The following SLC22A3 variants were observed in gnomAD, a reference collection of about 807,000 sequenced individuals.
SLC22A3 encodes the protein EMT organic cation transporter 3.
A neutral mutation model predicts 59.1 loss-of-function variants in SLC22A3; 51 were observed. The ratio of observed to expected loss-of-function variants is 0.86; its 90% CI spans 0.69 to 1.09. The LOEUF (loss-of-function observed/expected upper bound fraction) is 1.09, where lower values mean the gene tolerates loss of function less well. SLC22A3 is among the 50% of genes least tolerant of loss of function. The probability of loss-of-function intolerance (pLI) is 0.00; values close to 1 mark genes in which losing one functional copy is unlikely to be tolerated. For missense variants in SLC22A3, 711 were observed against 726.3 expected, an observed-to-expected ratio of 0.98 and a Z score of 0.24; for synonymous variants, 325 against 292.0, an observed-to-expected ratio of 1.11 and a Z score of -1.15.
At chr6:160,450,959 TA>T (rs1788937213) in intron 10 of SLC22A3, 36 bp from the exon 11 acceptor site, 1 of 1,553,224 alleles carries the variant, frequency 6.4e-7, no homozygotes, top group Non-Finnish European at 8.8e-7. Context: ...ACTAGTTACA[TA>T]ATCTTTCCTA....
chr6:160,389,241 AT>A (rs1052033535), intron 1 of SLC22A3, among the ~76,000 whole-genome samples: 1 of 152,056 alleles, frequency 6.6e-6, no homozygotes, highest in Non-Finnish European at 1.5e-5. Flanking sequence ...ATCATGAGCC[AT>A]TTTTTTGTCT....
chr6:160,407,445 G>A (rs1288165412), intron 3 of SLC22A3, among the ~76,000 whole-genome samples: 1 of 152,106 alleles, frequency 6.6e-6, no homozygotes, highest in Non-Finnish European at 1.5e-5. Flanking sequence ...CTACTTTTAT[G>A]TACTTCTACA....
chr6:160,360,026 A>G (rs1041080104), intron 1 of SLC22A3, among the ~76,000 whole-genome samples: 3 of 152,246 alleles, frequency 2.0e-5, no homozygotes, highest in African/African-American at 2.4e-5. Context: ...TTATAATCAT[A>G]GTATTCTTTT....
intron 1 of SLC22A3, among the ~76,000 whole-genome samples, chr6:160,355,257 G>A (rs756362727): frequency 9.9e-5 from 15 of 152,192 alleles, no homozygotes; most frequent in Non-Finnish European, 1.9e-4. Context: ...TGACAAAATG[G>A]TATGGAGGCT....
chr6:160,348,972 C>G, intron 1 of SLC22A3, 124 bp downstream of exon 1: 2 of 1,518,382 alleles, frequency 1.3e-6, no homozygotes, highest in South Asian at 1.2e-5. Context: ...CGGTCGGCTA[C>G]CTCTGGGGAC....
intron 1 of SLC22A3, among the ~76,000 whole-genome samples, chr6:160,391,028 T>C (rs1786234686): frequency 6.6e-6 from 1 of 152,204 alleles, no homozygotes; most frequent in Non-Finnish European, 1.5e-5. Flanking sequence ...TTTTCTGGTA[T>C]GTGGCTGTGT....
At chr6:160,387,729 G>T (rs1786079444) in intron 1 of SLC22A3, among the ~76,000 whole-genome samples, 1 of 152,074 alleles carries the variant, frequency 6.6e-6, no homozygotes, top group East Asian at 1.9e-4. Context: ...CAGAAATGCT[G>T]TCAGTATTTT....
At chr6:160,389,906 G>A (rs1045017805) in intron 1 of SLC22A3, among the ~76,000 whole-genome samples, 2 of 152,216 alleles carry the variant, frequency 1.3e-5, no homozygotes, top group African/African-American at 4.8e-5. Flanking sequence ...TCTGTATAGT[G>A]AAGTCTAACG....
Position 160,437,006 on chromosome 6 carries a change from C to A in SLC22A3, c.1083C>A (p.Ser361Arg), listed in dbSNP as rs373788380. 6.2e-7 allele frequency: 1 copy of A among 1,614,096 alleles called. No individual in the cohort carries two copies. Among genetic ancestry groups the A allele is most frequent in the Non-Finnish European group, 8.5e-7 (1 of 1,179,994 alleles). ...TTCAATGTTGCTACAGGTTCACAAGCGCAGTGGTGTATCAAGGACTTGTCA... is the reference window on the plus strand; with the variant it reads ...TTCAATGTTGCTACAGGTTCACAAGAGCAGTGGTGTATCAAGGACTTGTCA... ...TLILMFAWFT[S>R]AVVYQGLVMR... Residue 361 changes from serine to arginine, a missense_variant, in exon 7 of 11, where the codon AGC becomes AGA. By Grantham distance (110) the Ser-to-Arg change is moderately radical (BLOSUM62 -1). Transcript: ENST00000275300.
At chr6:160,434,021 CAG>C (rs1788251551) in intron 5 of SLC22A3, among the ~76,000 whole-genome samples, 1 of 152,146 alleles carries the variant, frequency 6.6e-6, no homozygotes, top group Admixed American at 6.5e-5. Flanking sequence ...GGGATCCTGT[CAG>C]GGAATCCCTG....
At chr6:160,381,631 G>A (rs766100950) in intron 1 of SLC22A3, among the ~76,000 whole-genome samples, 9 of 152,156 alleles carry the variant, frequency 5.9e-5, no homozygotes, top group Admixed American at 2.6e-4. Context: ...ATGTAAACTC[G>A]TTGATTTTAT....
Position 160,355,697 on chromosome 6 carries a change from G to A in SLC22A3, c.429+6849G>A, listed in dbSNP as rs575862503. Among the ~76,000 whole-genome samples, 6 of 152,142 alleles carry A rather than the reference G, an allele frequency of 3.9e-5. No homozygotes were observed. The South Asian group carries it at 8.3e-4, about 21-fold the overall frequency. On this transcript the variant is annotated intron_variant, in intron 1 of 10. Coordinates refer to ENST00000275300, the MANE Select transcript of SLC22A3 (RefSeq NM_021977.4). Reference sequence around the variant, plus strand: ...TGAGGCAGGAGAATGGCGTGAACCCGGGAGGCGGAGCTTGCAGTAAGCTGA... The same window carrying A: ...TGAGGCAGGAGAATGGCGTGAACCCAGGAGGCGGAGCTTGCAGTAAGCTGA...
intron 5 of SLC22A3, among the ~76,000 whole-genome samples, chr6:160,428,876 A>G (rs527437098): frequency 1.3e-5 from 2 of 152,356 alleles, no homozygotes; most frequent in Admixed American, 6.5e-5. Context: ...CCGAAGTACT[A>G]CAGGTAATTT....
At chr6:160,362,772 A>C (rs1785061143) in intron 1 of SLC22A3, among the ~76,000 whole-genome samples, 1 of 152,128 alleles carries the variant, frequency 6.6e-6, no homozygotes, top group Admixed American at 6.5e-5. Context: ...GCCGGAGGGG[A>C]CCCAGGCGGC....
chr6:160,429,195 A>G (rs1431991131), intron 5 of SLC22A3, among the ~76,000 whole-genome samples: 1 of 152,256 alleles, frequency 6.6e-6, no homozygotes, highest in African/African-American at 2.4e-5. Context: ...ATAACATTTT[A>G]TTCACACAGA....
Position 160,348,849 on chromosome 6 carries a change from G to T in SLC22A3, c.429+1G>T, listed in dbSNP as rs1268616063. 2.5e-6 allele frequency: 4 copies of T among 1,581,660 alleles called. No homozygotes were observed. Among genetic ancestry groups the T allele is most frequent in the Non-Finnish European group, 3.4e-6 (4 of 1,172,316 alleles). On this transcript the variant is annotated splice_donor_variant, in intron 1 of 10. Coordinates refer to ENST00000275300, the MANE Select transcript of SLC22A3 (RefSeq NM_021977.4). LOFTEE classifies it high-confidence loss of function. Reference sequence around the variant, plus strand: ...GGCCCACTCCACCATCGTCAGCGAGGTAAGGGCGCCCCGGCCCTTTGGAAG... The same window carrying T: ...GGCCCACTCCACCATCGTCAGCGAGTTAAGGGCGCCCCGGCCCTTTGGAAG...
chr6:160,420,101 C>T (rs1191054494), intron 5 of SLC22A3, among the ~76,000 whole-genome samples: 2 of 152,204 alleles, frequency 1.3e-5, no homozygotes, highest in African/African-American at 4.8e-5. Context: ...GTGCCCAGCA[C>T]TCATTTCCTT....
intron 1 of SLC22A3, among the ~76,000 whole-genome samples, chr6:160,390,544 G>A (rs1244561427): frequency 3.3e-5 from 5 of 151,938 alleles, no homozygotes; most frequent in South Asian, 4.2e-4. Flanking sequence ...AGTATCTTGC[G>A]GGTCCAGGCT....
intron 9 of SLC22A3, among the ~76,000 whole-genome samples, chr6:160,444,699 G>A (rs1788678694): frequency 6.6e-6 from 1 of 152,204 alleles, no homozygotes; most frequent in African/African-American, 2.4e-5. Flanking sequence ...AAAGGATACG[G>A]GTTGGCCCCT....
Sources: allele counts gnomAD v4.1 joint callset (sites outside exome capture counted in the v4.1 genomes callset), GRCh38; gene constraint gnomAD v4.1.1; transcripts MANE v1.5; gene names NCBI Gene and HGNC (gene_info 2026-07-23, HGNC 2026-07-21).